The following KLHL4 variants were observed in gnomAD, a reference collection of about 807,000 sequenced individuals.
KLHL4 encodes the protein kelch-like protein 4.
KLHL4 carries 17 observed loss-of-function variants against 45.8 expected under a neutral mutation model. The ratio of observed to expected loss-of-function variants is 0.37; its 90% CI spans 0.25 to 0.56. KLHL4 has a LOEUF of 0.56. KLHL4 is among the 20% of genes least tolerant of loss of function. The pLI is 0.79. For missense variants in KLHL4, 544 were observed against 544.9 expected (o/e 1.00, Z 0.02); for synonymous variants, 224 against 189.9 (o/e 1.18, Z -1.47).
chrX:87,582,634 A>C (rs1047669480), intron 1 of KLHL4, among the ~76,000 whole-genome samples: 1 of 112,176 alleles, frequency 8.9e-6, no homozygotes, highest in Non-Finnish European at 1.9e-5. Flanking sequence ...TACATCTCTT[A>C]GGCAACATCT....
chrX:87,561,107 C>T (rs1050677744), intron 1 of KLHL4, among the ~76,000 whole-genome samples: 4 of 111,347 alleles, frequency 3.6e-5, no homozygotes, highest in African/African-American at 1.3e-4. Context: ...ATGAATAAGA[C>T]CTTGGAGCTA....
rs1931807072 is a variant in KLHL4, at chrX:87,551,176, A to G, written c.422+32861A>G. ...ATTCAACAAAGTTTCCAGATACAAG[A>G]TTAATGTACACAAATCAGTACCTCT... is the stretch of plus-strand genomic sequence containing the variant. On this transcript the variant is annotated intron_variant, in intron 1 of 10. Transcript: ENST00000373119. 2.7e-5 allele frequency among the ~76,000 whole-genome samples: 3 copies of G among 111,277 alleles called. No homozygotes were observed. In the South Asian group the frequency reaches 1.1e-3, roughly 41 times the overall value.
intron 1 of KLHL4, among the ~76,000 whole-genome samples, chrX:87,563,382 A>G (rs745668172): frequency 8.2e-5 from 9 of 110,075 alleles, no homozygotes; most frequent in Non-Finnish European, 1.1e-4. Flanking sequence ...GAAATGGTCA[A>G]TGAAATTCAA....
chrX:87,647,693 A>C (rs2147834243), intron 9 of KLHL4, among the ~76,000 whole-genome samples: 2 of 111,640 alleles, frequency 1.8e-5, no homozygotes, highest in Middle Eastern at 4.6e-3. Flanking sequence ...ATGCAAAGGC[A>C]TAAGAATGAT....
intron 1 of KLHL4, among the ~76,000 whole-genome samples, chrX:87,578,729 AT>A (rs56140512): frequency 0.032 from 3,603 of 112,327 alleles, 63 homozygotes; most frequent in Non-Finnish European, 0.049. Context: ...TATGTCTCCA[AT>A]TTCCCAGCCT....
intron 9 of KLHL4, among the ~76,000 whole-genome samples, chrX:87,641,222 T>C (rs1923448612): frequency 8.9e-6 from 1 of 111,915 alleles, no homozygotes; most frequent in African/African-American, 3.3e-5. Flanking sequence ...GTTCTGTGAG[T>C]GGCCCAACTG....
chrX:87,571,055 A>G (rs1932325856), intron 1 of KLHL4, among the ~76,000 whole-genome samples: 1 of 110,730 alleles, frequency 9.0e-6, no homozygotes, highest in Non-Finnish European at 1.9e-5. Context: ...GCAAACTGTT[A>G]TTTATTTTAA....
intron 9 of KLHL4, among the ~76,000 whole-genome samples, chrX:87,651,925 GT>G (rs1027085688): frequency 7.1e-5 from 8 of 112,633 alleles, no homozygotes; most frequent in African/African-American, 2.3e-4. Flanking sequence ...CCTAGCAGAG[GT>G]TCTCTTTGAG....
chrX:87,607,309 G>A (rs74474561), intron 1 of KLHL4, among the ~76,000 whole-genome samples: 4 of 110,852 alleles, frequency 3.6e-5, no homozygotes, highest in Admixed American at 2.9e-4. Context: ...TATCAACAAT[G>A]GCATATGTTC....
chrX:87,661,710 C>T lies in KLHL4; in HGVS notation c.1926-3054C>T, dbSNP rs774726704. Reference sequence around the variant, plus strand: ...TCATTTTCTGACATAATTACACTCCCAAATTTACTAATTTTTAAAATTCTC... The same window carrying T: ...TCATTTTCTGACATAATTACACTCCTAAATTTACTAATTTTTAAAATTCTC... On this transcript the variant is annotated intron_variant, in intron 9 of 10. Transcript: ENST00000373119. Among the ~76,000 whole-genome samples, 109 of 111,759 alleles carry T rather than the reference C, an allele frequency of 9.8e-4. 1 individual carries two copies. Among genetic ancestry groups the T allele is most frequent in the African/African-American group, 3.2e-3 (100 of 30,810 alleles).
Position 87,547,639 on chromosome X carries a change from G to A in KLHL4, c.422+29324G>A, listed in dbSNP as rs368760191. 5.4e-5 allele frequency among the ~76,000 whole-genome samples: 6 copies of A among 110,392 alleles called. No individual in the cohort carries two copies. In the South Asian group the frequency reaches 1.9e-3, roughly 36 times the overall value. On this transcript the variant is annotated intron_variant, in intron 1 of 10. Transcript: ENST00000373119. ...AGATCGAGACCATCCTGGCTAACAC[G>A]TGAAACCCTGTCTCTACTAAAAGTA... is the stretch of plus-strand genomic sequence containing the variant.
In KLHL4 at chrX:87,614,425, T is replaced by C. The variant is rs1922486140; in HGVS notation, c.591-9T>C. On this transcript the variant is annotated splice_polypyrimidine_tract_variant and intron_variant, in intron 2 of 10. Coordinates refer to ENST00000373119, the MANE Select transcript of KLHL4 (RefSeq NM_019117.5). ...CATTTAAATTCCTACAAATATTTCC[T>C]ATTTCCAGGTTGGTTCTCAGCGCAG... 1 of 1,200,161 alleles carries C rather than the reference T, an allele frequency of 8.3e-7. No individual in the cohort carries two copies. Among genetic ancestry groups the C allele is most frequent in the Non-Finnish European group, 1.1e-6 (1 of 889,008 alleles).
At chrX:87,662,803 G>A (rs1426243916) in intron 9 of KLHL4, among the ~76,000 whole-genome samples, 2 of 108,968 alleles carry the variant, frequency 1.8e-5, no homozygotes, top group African/African-American at 6.7e-5. Flanking sequence ...GGTGGCGGGC[G>A]CCTGTAGTCC....
chrX:87,603,612 A>G (rs1212625089), intron 1 of KLHL4, among the ~76,000 whole-genome samples: 1 of 111,175 alleles, frequency 9.0e-6, no homozygotes. Context: ...GTACAATTTG[A>G]TGTTTAAATA....
intron 1 of KLHL4, among the ~76,000 whole-genome samples, chrX:87,525,107 G>T (rs1459239058): frequency 1.8e-5 from 2 of 111,683 alleles, no homozygotes; most frequent in Non-Finnish European, 3.8e-5. Flanking sequence ...CTAAAGTTCT[G>T]ATAACATCTA....
intron 9 of KLHL4, among the ~76,000 whole-genome samples, chrX:87,648,970 C>A (rs1310391034): frequency 9.0e-6 from 1 of 111,605 alleles, no homozygotes; most frequent in Admixed American, 9.6e-5. Flanking sequence ...CACATTAGTT[C>A]TCTCTACAGT....
At position 87,604,942 on chromosome X, in the gene KLHL4, G is replaced by A. The variant is rs1477922856; in HGVS notation, c.423-8935G>A. Among the ~76,000 whole-genome samples, 12 of 110,378 alleles carry A rather than the reference G, an allele frequency of 1.1e-4. No individual in the cohort carries two copies. The East Asian group carries it at 3.1e-3, about 29-fold the overall frequency. On this transcript the variant is annotated intron_variant, in intron 1 of 10. Coordinates refer to ENST00000373119, the MANE Select transcript of KLHL4 (RefSeq NM_019117.5). Reference sequence around the variant, plus strand: ...TTTAATCTATTTTGAGTTGATTTTTGTATATGGTGAGAGGCAGGATTCTAG... The same window carrying A: ...TTTAATCTATTTTGAGTTGATTTTTATATATGGTGAGAGGCAGGATTCTAG...
intron 1 of KLHL4, among the ~76,000 whole-genome samples, chrX:87,588,611 A>G (rs1921555855): frequency 9.0e-6 from 1 of 111,484 alleles, no homozygotes; most frequent in African/African-American, 3.3e-5. Context: ...GACTAAAACT[A>G]GACCCTCATA....
chrX:87,545,236 A>G (rs1488516336), intron 1 of KLHL4, among the ~76,000 whole-genome samples: 1 of 112,402 alleles, frequency 8.9e-6, no homozygotes, highest in African/African-American at 3.2e-5. Flanking sequence ...ACTATTTGAA[A>G]ATACACAGTC....
Sources: gnomAD v4.1 joint callset for allele counts (sites outside exome capture counted in the v4.1 genomes callset) on GRCh38, gnomAD v4.1.1 for gene constraint, MANE v1.5 for transcripts, NCBI Gene and HGNC (gene_info 2026-07-23, HGNC 2026-07-21) for gene names.